The following MXRA8 variants were observed in gnomAD, a reference collection of about 807,000 sequenced individuals.
MXRA8 encodes the protein matrix remodeling-associated protein 8.
MXRA8 carries 44 observed loss-of-function variants against 51.4 expected under a neutral mutation model. That is an observed-to-expected ratio of 0.86 (90% CI 0.67 to 1.10). MXRA8 has a LOEUF of 1.10. Among genes scored for constraint, MXRA8 ranks in the 50% least tolerant of loss-of-function variants. The pLI is 0.00. For synonymous variants in MXRA8, 369 were observed against 293.5 expected (o/e 1.26, Z -2.63); for missense variants, 765 against 638.9 (o/e 1.20, Z -2.13).
At chr1:1,355,420 C>T in intron 3 of MXRA8, 30 bp downstream of exon 3, 1 of 1,484,790 alleles carries the variant, frequency 6.7e-7, no homozygotes, top group Non-Finnish European at 8.9e-7. Flanking sequence ...CCTGCCCCGA[C>T]CCCGCGGCCC....
chr1:1,354,255 G>C, intron 6 of MXRA8, 23 bp from the exon 7 acceptor site: 1 of 1,610,160 alleles, frequency 6.2e-7, no homozygotes, highest in Non-Finnish European at 8.5e-7. Flanking sequence ...CTCACATTGG[G>C]GGCAGTGCCG....
In MXRA8 at chr1:1,354,681, C is replaced by T. The variant is rs1644081687; in HGVS notation, c.949+1G>A. On this transcript the variant is annotated splice_donor_variant, in intron 5 of 9. Transcript: ENST00000309212. LOFTEE classifies it high-confidence loss of function. ...CCGGGTCCCAGGGAGGCCTCCTTCA[C>T]CTGGGCCTGGGGCGCCGCTGTGGCT... 2 of 1,569,350 alleles carry T rather than the reference C, an allele frequency of 1.3e-6. No homozygotes were observed. The highest frequency in any genetic ancestry group is 1.2e-5 in the South Asian group (1 of 86,724).
At chr1:1,359,168 A>G, upstream of MXRA8, 1 of 985,328 alleles carries the variant, frequency 1.0e-6, no homozygotes, top group African/African-American at 1.7e-5. Context: ...AGCCAGGGAC[A>G]GGGGACCCTG....
In MXRA8 at chr1:1,354,896, C is replaced by G. The variant is rs75904949; in HGVS notation, c.735G>C (p.Val245=). The G allele has an allele frequency of 2.7e-4, 431 of 1,611,110 alleles. No individual in the cohort carries two copies. The highest frequency in any genetic ancestry group is 8.6e-4 in the South Asian group (78 of 90,942). The change falls in exon 5 of 10, where the codon GTG becomes GTC. Residue 245 remains valine (V), a synonymous_variant. Transcript: ENST00000309212. ...CACCGCGCTCAAAGGCATCCGCGCC[C>G]ACAGCCACGCGGTCGCGCAGAAAAA... ...GPLFLRDRVA[V]GADAFERGDF...
At position 1,354,885 on chromosome 1, in the gene MXRA8, G is replaced by A; in HGVS notation, c.746C>T (p.Ala249Val). 1 of 1,611,562 alleles carries A rather than the reference G, an allele frequency of 6.2e-7. No homozygotes were observed. Among genetic ancestry groups the A allele is most frequent in the Non-Finnish European group, 8.5e-7 (1 of 1,179,484 alleles). Residue 249 changes from alanine (A) to valine (V), a missense_variant, in exon 5 of 10, where the codon GCC becomes GTC. Ala to Val is a moderately conservative substitution (Grantham distance 64). Coordinates refer to ENST00000309212, the MANE Select transcript of MXRA8 (RefSeq NM_032348.4). ...LRDRVAVGAD[A>V]FERGDFSLRI... ...CAGTGAGAAGTCACCGCGCTCAAAG[G>A]CATCCGCGCCCACAGCCACGCGGTC...
At chr1:1,356,805 A>G (rs1382442628) in intron 1 of MXRA8, 101 bp from the exon 2 acceptor site, 1 of 1,012,458 alleles carries the variant, frequency 9.9e-7, no homozygotes, top group Admixed American at 4.2e-5. Flanking sequence ...CCCAAAGTGG[A>G]TGCTGTGACA....
upstream of MXRA8, chr1:1,358,856 G>T (rs1464880520): frequency 2.4e-5 from 25 of 1,058,328 alleles, no homozygotes; most frequent in Non-Finnish European, 2.9e-5. Flanking sequence ...TGTGGTGAAG[G>T]GTTGGGACTG....
At chr1:1,361,629 C>T (rs1174128324), upstream of MXRA8, 1 of 382,470 alleles carries the variant, frequency 2.6e-6, no homozygotes, top group Non-Finnish European at 5.0e-6. Context: ...CCAACACAGA[C>T]AGGGTTAGGC....
At position 1,353,643 on chromosome 1, in the gene MXRA8, G is replaced by A; in HGVS notation, c.1304-14C>T. 6.4e-7 allele frequency: 1 copy of A among 1,563,572 alleles called. No individual in the cohort carries two copies. Among genetic ancestry groups the A allele is most frequent in the South Asian group, 1.2e-5 (1 of 85,252 alleles). On this transcript the variant is annotated splice_polypyrimidine_tract_variant and intron_variant, in intron 9 of 9. Coordinates refer to ENST00000309212, the MANE Select transcript of MXRA8 (RefSeq NM_032348.4). ...CCTTCCGGAACCCTGGAAGCCAAGG[G>A]CGCCAACGGGTTGGCGGCTGTCCTC...
upstream of MXRA8, among the ~76,000 whole-genome samples, chr1:1,360,024 C>T (rs950697815): frequency 7.2e-5 from 11 of 152,362 alleles, no homozygotes; most frequent in South Asian, 2.1e-4. Flanking sequence ...CCTGTTCCCT[C>T]TCTCCCCATG....
intron 1 of MXRA8, among the ~76,000 whole-genome samples, chr1:1,357,289 C>A (rs1197001547): frequency 6.6e-6 from 1 of 152,190 alleles, no homozygotes; most frequent in Non-Finnish European, 1.5e-5. Flanking sequence ...GCTGGACTTT[C>A]TCTGACCGGA....
In MXRA8 at chr1:1,353,582, CA is replaced by C. The variant is rs775860030; in HGVS notation, c.*21del. ...GACAGGAGAGGTGCAGCTGCTGGCC[CA>C]GCCAGGAGCCCAGGGCCTCCCTATT... On this transcript the variant is annotated 3_prime_UTR_variant, in exon 10 of 10. Coordinates refer to ENST00000309212, the MANE Select transcript of MXRA8 (RefSeq NM_032348.4). 82 of 1,558,294 alleles carry C rather than the reference CA, an allele frequency of 5.3e-5. No individual in the cohort carries two copies. The highest frequency in any genetic ancestry group is 3.4e-4 in the Middle Eastern group (2 of 5,804).
Position 1,353,462 on chromosome 1 carries a change from C to T in MXRA8, c.*142G>A. On this transcript the variant is annotated 3_prime_UTR_variant, in exon 10 of 10. Coordinates refer to ENST00000309212, the MANE Select transcript of MXRA8 (RefSeq NM_032348.4). ...CCTGGGAGAGGGGTGTGGAGGCGGC[C>T]TCTGCATACGCCCAGGCCAAATTCC... 1 of 1,502,780 alleles carries T rather than the reference C, an allele frequency of 6.7e-7. No individual in the cohort carries two copies. The highest frequency in any genetic ancestry group is 8.9e-7 in the Non-Finnish European group (1 of 1,123,058). 93.1% of individuals were successfully genotyped at this position (1,502,780 alleles called of 1,614,324 possible).
At chr1:1,358,825 C>A, upstream of MXRA8, 1 of 1,135,672 alleles carries the variant, frequency 8.8e-7, no homozygotes, top group South Asian at 3.1e-5. Context: ...TCGTGTCTCA[C>A]GTCTAGGAGC....
chr1:1,357,554 C>T (rs559088364), intron 1 of MXRA8, among the ~76,000 whole-genome samples: 3 of 152,198 alleles, frequency 2.0e-5, no homozygotes, highest in African/African-American at 7.2e-5. Flanking sequence ...CGCCTGTAAT[C>T]CCAGCACTTT....
At chr1:1,356,092 C>T (rs1644123608) in intron 2 of MXRA8, among the ~76,000 whole-genome samples, 1 of 63,228 alleles carries the variant, frequency 1.6e-5, no homozygotes. Context: ...GGGTTGGGGG[C>T]ATCTTTGGGG....
At position 1,354,989 on chromosome 1, in the gene MXRA8, G is replaced by C; in HGVS notation, c.642C>G (p.Val214=). 6.3e-7 allele frequency: 1 copy of C among 1,598,342 alleles called. No homozygotes were observed. The highest frequency in any genetic ancestry group is 8.5e-7 in the Non-Finnish European group (1 of 1,173,896). ...VVHWDRQPPG[V]PHDRADRLLD... Reference sequence around the variant, plus strand: ...GCAGGCGGTCCGCGCGGTCGTGCGGGACCCCGGGCGGCTGCCGGTCCCAGT... The same window carrying C: ...GCAGGCGGTCCGCGCGGTCGTGCGGCACCCCGGGCGGCTGCCGGTCCCAGT... Residue 214 remains valine, a synonymous_variant, in exon 5 of 10, where the codon GTC becomes GTG. Transcript: ENST00000309212.
In MXRA8 at chr1:1,354,792, C is replaced by A. The variant is rs1426417137; in HGVS notation, c.839G>T (p.Gly280Val). Residue 280 changes from glycine (G) to valine (V), a missense_variant, in exon 5 of 10, where the codon GGC becomes GTC. Gly to Val is a moderately radical substitution (Grantham distance 109). Coordinates refer to ENST00000309212, the MANE Select transcript of MXRA8 (RefSeq NM_032348.4). ...YSCHLHHHYC[G>V]LHERRVFHLT... ...GTGGAAGACGCGGCGTTCGTGCAGG[C>A]CACAGTAATGGTGGTGCAGGTGGCA... 2 of 1,612,224 alleles carry A rather than the reference C, an allele frequency of 1.2e-6. No individual in the cohort carries two copies. The highest frequency in any genetic ancestry group is 3.3e-5 in the Admixed American group (2 of 59,990).
At chr1:1,356,436 G>A (rs1396266565) in intron 2 of MXRA8, among the ~76,000 whole-genome samples, 11 of 141,906 alleles carry the variant, frequency 7.8e-5, no homozygotes, top group Non-Finnish European at 1.1e-4. Context: ...GTGGGCCCCC[G>A]AGGGCCCTGG....
Sources: gnomAD v4.1 joint callset for allele counts (sites outside exome capture counted in the v4.1 genomes callset) on GRCh38, gnomAD v4.1.1 for gene constraint, MANE v1.5 for transcripts, NCBI Gene and HGNC (gene_info 2026-07-23, HGNC 2026-07-21) for gene names.